AKAP7: variants seen among roughly 807,000 people sequenced by gnomAD.
AKAP7 encodes A-kinase anchoring protein 7.
In AKAP7, 39 loss-of-function variants were observed where a neutral mutation model predicts 39.5. That is an observed-to-expected ratio of 0.99 (90% CI 0.76 to 1.29). The LOEUF is 1.29. Ranked by LOEUF, AKAP7 falls within the 50% of genes most tolerant of loss-of-function variation. The pLI is 0.00. For synonymous variants in AKAP7, 140 were observed against 139.1 expected, an observed-to-expected ratio of 1.01 and a Z score of -0.05; for missense variants, 414 against 407.7, an observed-to-expected ratio of 1.02 and a Z score of -0.13.
chr6:131,250,530 G>A (rs770498428), intron 7 of AKAP7: 45 of 1,613,488 alleles, frequency 2.8e-5, no homozygotes, highest in Middle Eastern at 3.3e-4. Context: ...GGGTCCTCAC[G>A]GAGAAGAACA....
intron 6 of AKAP7, among the ~76,000 whole-genome samples, chr6:131,218,531 TTAAC>T: frequency 6.6e-6 from 1 of 152,368 alleles, no homozygotes; most frequent in African/African-American, 2.4e-5. Context: ...TTTTTTCCCA[TTAAC>T]TAGTTTTCTA....
At chr6:131,147,268 G>C (rs1046091151) in intron 2 of AKAP7, among the ~76,000 whole-genome samples, 3 of 152,196 alleles carry the variant, frequency 2.0e-5, no homozygotes, top group Non-Finnish European at 4.4e-5. Context: ...TGCTCAGCCA[G>C]TCTCAGAAAC....
At chr6:131,224,940 A>G (rs1030144607) in intron 7 of AKAP7, among the ~76,000 whole-genome samples, 2 of 151,472 alleles carry the variant, frequency 1.3e-5, no homozygotes, top group Admixed American at 6.6e-5. Context: ...TATTTTTAGT[A>G]GAGACAGGGT....
chr6:131,219,442 A>C (rs530667276), intron 6 of AKAP7, among the ~76,000 whole-genome samples: 3 of 151,896 alleles, frequency 2.0e-5, no homozygotes, highest in Admixed American at 2.0e-4. Flanking sequence ...TAAACCTAAC[A>C]CTCTTTATTG....
intron 7 of AKAP7, among the ~76,000 whole-genome samples, chr6:131,255,883 G>C (rs1262053190): frequency 6.6e-6 from 1 of 152,114 alleles, no homozygotes; most frequent in African/African-American, 2.4e-5. Flanking sequence ...CTTCCTCTTT[G>C]ACTTCCCCTC....
chr6:131,250,558 G>C, intron 7 of AKAP7: 2 of 1,613,998 alleles, frequency 1.2e-6, no homozygotes, highest in Non-Finnish European at 1.7e-6. Flanking sequence ...AGACAGACAG[G>C]ACCAGTGCCA....
chr6:131,233,152 T>C (rs1314491796), intron 7 of AKAP7, among the ~76,000 whole-genome samples: 1 of 152,106 alleles, frequency 6.6e-6, no homozygotes, highest in Non-Finnish European at 1.5e-5. Flanking sequence ...TAAAAAAACC[T>C]GCTAATGTGG....
intron 2 of AKAP7, among the ~76,000 whole-genome samples, chr6:131,155,061 A>C (rs1395538171): frequency 2.0e-5 from 3 of 151,644 alleles, no homozygotes; most frequent in Non-Finnish European, 4.4e-5. Context: ...TCACCCTGTC[A>C]TCCACACTGG....
At position 131,196,347 on chromosome 6, in the gene AKAP7, C is replaced by T. The variant is rs573413132; in HGVS notation, c.590-3114C>T. ...ATGGTGCAATCTCAGCTCACTGCAACCTCCGCCTCCCAGGTTTAAGCGATT... is the reference window on the plus strand; with the variant it reads ...ATGGTGCAATCTCAGCTCACTGCAATCTCCGCCTCCCAGGTTTAAGCGATT... On this transcript the variant is annotated intron_variant, in intron 5 of 7. Transcript: ENST00000431975. Among the ~76,000 whole-genome samples, 6 of 148,722 alleles carry T rather than the reference C, an allele frequency of 4.0e-5. No homozygotes were observed. In the East Asian group the frequency reaches 8.3e-4, roughly 21 times the overall value.
rs1238934555 is a variant in AKAP7, at chr6:131,169,131, G to A, written c.447G>A (p.Leu149=). 1.9e-6 allele frequency: 3 copies of A among 1,611,376 alleles called. No individual in the cohort carries two copies. The highest frequency in any genetic ancestry group is 2.5e-6 in the Non-Finnish European group (3 of 1,177,910). Residue 149 remains leucine (L), a synonymous_variant, in exon 5 of 8, where the codon TTG becomes TTA. Transcript: ENST00000431975. ...TTACTAGTGGTATTGATGCTCTTTTGGAATTGAAACCATTCATAGAAGAAC... is the reference window on the plus strand; with the variant it reads ...TTACTAGTGGTATTGATGCTCTTTTAGAATTGAAACCATTCATAGAAGAAC... The part of the protein sequence containing the change: ...DEVNIGIDAL[L]ELKPFIEELL...
intron 3 of AKAP7, among the ~76,000 whole-genome samples, chr6:131,163,125 A>G (rs1803154270): frequency 6.6e-6 from 1 of 152,210 alleles, no homozygotes; most frequent in Non-Finnish European, 1.5e-5. Context: ...ATACAGGTTC[A>G]ACAGCAGTTA....
chr6:131,279,085 G>A (rs1473253952), intron 7 of AKAP7, among the ~76,000 whole-genome samples: 1 of 152,084 alleles, frequency 6.6e-6, no homozygotes, highest in Non-Finnish European at 1.5e-5. Context: ...AATAACTAAA[G>A]GTTTTATACC....
At chr6:131,181,187 C>T (rs1018532417) in intron 5 of AKAP7, among the ~76,000 whole-genome samples, 7 of 152,100 alleles carry the variant, frequency 4.6e-5, no homozygotes, top group Admixed American at 2.0e-4. Context: ...CTGCCTGCCT[C>T]GGCCTCCCAA....
intron 2 of AKAP7, among the ~76,000 whole-genome samples, chr6:131,158,643 AC>A (rs1802636903): frequency 6.6e-6 from 1 of 152,014 alleles, no homozygotes; most frequent in African/African-American, 2.4e-5. Context: ...AGTAGCTGAG[AC>A]TACAGGCTTG....
chr6:131,192,732 AT>A (rs991972858), intron 5 of AKAP7, among the ~76,000 whole-genome samples: 1 of 151,766 alleles, frequency 6.6e-6, no homozygotes, highest in African/African-American at 2.4e-5. Flanking sequence ...ATATCTTTAC[AT>A]TTTTTTTGGT....
intron 7 of AKAP7, among the ~76,000 whole-genome samples, chr6:131,223,687 C>T (rs969768141): frequency 2.0e-5 from 3 of 152,146 alleles, no homozygotes; most frequent in African/African-American, 7.2e-5. Flanking sequence ...TCTCTGCCAA[C>T]CTTATAAGGT....
At chr6:131,253,604 C>T (rs1209584631) in intron 7 of AKAP7, among the ~76,000 whole-genome samples, 6 of 152,124 alleles carry the variant, frequency 3.9e-5, no homozygotes, top group African/African-American at 1.4e-4. Flanking sequence ...TCTTTCTCCC[C>T]TACAACTTCC....
chr6:131,273,246 T>G (rs963164090), intron 7 of AKAP7, among the ~76,000 whole-genome samples: 4 of 152,174 alleles, frequency 2.6e-5, no homozygotes, highest in Admixed American at 1.3e-4. Context: ...GTACACATCA[T>G]AGTTGATTCT....
intron 6 of AKAP7, among the ~76,000 whole-genome samples, chr6:131,213,665 T>C (rs939033801): frequency 1.3e-5 from 2 of 152,206 alleles, no homozygotes; most frequent in African/African-American, 4.8e-5. Context: ...GCCTCATTTT[T>C]TGAGCCCCTT....
Sources: gnomAD v4.1 joint callset for allele counts (sites outside exome capture counted in the v4.1 genomes callset) on GRCh38, gnomAD v4.1.1 for gene constraint, MANE v1.5 for transcripts, NCBI Gene and HGNC (gene_info 2026-07-23, HGNC 2026-07-21) for gene names.